The following DRC1 variants were observed in gnomAD, a reference collection of about 807,000 sequenced individuals.
DRC1 encodes dynein regulatory complex protein 1.
DRC1 carries 74 observed loss-of-function variants against 98.7 expected under a neutral mutation model. The observed-to-expected ratio is 0.75, with a 90% CI of 0.62 to 0.91. The LOEUF (loss-of-function observed/expected upper bound fraction) is 0.91, where lower values mean the gene tolerates loss of function less well. DRC1 is among the 40% of genes least tolerant of loss of function. DRC1 has a pLI of 0.00. For missense variants in DRC1, 875 were observed against 886.0 expected (o/e 0.99, Z 0.16); for synonymous variants, 336 against 334.1 (o/e 1.01, Z -0.06).
chr2:26,452,485 C>G (rs193261093), intron 13 of DRC1, among the ~76,000 whole-genome samples: 2 of 152,298 alleles, frequency 1.3e-5, no homozygotes, highest in African/African-American at 4.8e-5. Context: ...CTCTCGAACT[C>G]CTGACCTCAA....
At chr2:26,418,646 ATATATAAATTATATAT>A (rs1353793924) in intron 2 of DRC1, among the ~76,000 whole-genome samples, 31 of 93,620 alleles carry the variant, frequency 3.3e-4, no homozygotes, top group African/African-American at 1.2e-3. Flanking sequence ...AATTTATATA[ATATATAAATTATATAT>A]TATATAAATT....
intron 8 of DRC1, among the ~76,000 whole-genome samples, 173 bp downstream of exon 8, chr2:26,440,690 A>G (rs1021602051): frequency 6.6e-6 from 1 of 152,230 alleles, no homozygotes; most frequent in African/African-American, 2.4e-5. Flanking sequence ...AAAAGAGTAC[A>G]TAGCAAAAGA....
intron 7 of DRC1, among the ~76,000 whole-genome samples, chr2:26,437,949 C>T (rs1052764907): frequency 4.6e-5 from 7 of 151,384 alleles, no homozygotes; most frequent in Admixed American, 1.3e-4. Context: ...ATTAGCTGGG[C>T]GTGGCGGTGG....
chr2:26,420,543 G>A (rs1194133776), intron 2 of DRC1, among the ~76,000 whole-genome samples: 2 of 152,142 alleles, frequency 1.3e-5, no homozygotes, highest in Admixed American at 1.3e-4. Context: ...ATAAAAGTTG[G>A]CTGGTGCCTT....
intron 1 of DRC1, among the ~76,000 whole-genome samples, chr2:26,406,340 A>T (rs566235820): frequency 6.6e-6 from 1 of 152,106 alleles, no homozygotes; most frequent in Non-Finnish European, 1.5e-5. Flanking sequence ...TGTGATACCC[A>T]CTGCTGTTGC....
In DRC1 at chr2:26,454,925, G is replaced by A. The variant is rs747276719; in HGVS notation, c.2063+135G>A. On this transcript the variant is annotated intron_variant, in intron 15 of 16. Transcript: ENST00000288710. The surrounding 1 kb of genome is among the most constrained non-coding windows in gnomAD (Gnocchi z 5.2). ...AGCTGCCCTTGGCATCTCCTGTGTG[G>A]GTGGATCATGTGGGGCAGTTGGCTC... 2.6e-5 allele frequency: 39 copies of A among 1,479,728 alleles called. No individual in the cohort carries two copies. The highest frequency in any genetic ancestry group is 3.3e-5 in the Non-Finnish European group (36 of 1,080,586). 91.7% of individuals were successfully genotyped at this position (1,479,728 alleles called of 1,614,324 possible).
intron 10 of DRC1, chr2:26,448,368 C>T (rs951201037): frequency 1.9e-6 from 1 of 538,422 alleles, no homozygotes; most frequent in African/African-American, 1.9e-5. Context: ...TAAATGGGCT[C>T]ACACTCTCCC....
chr2:26,444,588 G>T lies in DRC1; in HGVS notation c.1164-128G>T, dbSNP rs147947674. On this transcript the variant is annotated intron_variant, in intron 9 of 16. Transcript: ENST00000288710. Reference sequence around the variant, plus strand: ...AGTTTATCGTAAGTGGGAATCAGCCGCCCAGGGATGGGGCCAGGCCCAGGA... The same window carrying T: ...AGTTTATCGTAAGTGGGAATCAGCCTCCCAGGGATGGGGCCAGGCCCAGGA... 1.0e-4 allele frequency: 108 copies of T among 1,060,562 alleles called. No homozygotes were observed. In the Middle Eastern group the frequency reaches 2.1e-3, roughly 21 times the overall value. The allele number at this position is 1,060,562 out of a possible 1,614,324, so 65.7% of individuals were successfully genotyped here.
chr2:26,410,114 GA>G (rs1678553761), intron 1 of DRC1, among the ~76,000 whole-genome samples: 2 of 148,012 alleles, frequency 1.4e-5, no homozygotes, highest in Non-Finnish European at 1.5e-5. Context: ...AGTGTTCAGA[GA>G]AAAAAAATAG....
intron 1 of DRC1, among the ~76,000 whole-genome samples, chr2:26,412,536 C>T (rs770364378): frequency 1.1e-4 from 17 of 152,084 alleles, no homozygotes; most frequent in Admixed American, 1.1e-3. Context: ...CTCCCCCATG[C>T]CTCCCCTGAA....
rs1040064817 is a variant in DRC1 at position 26,440,979 on chromosome 2, G to A, written c.1028+462G>A. Reference sequence around the variant, plus strand: ...ACCAGTCTCTAATGATGGACATGTAGATTGCTTCCAACCTTTTCCTCTTGC... The same window carrying A: ...ACCAGTCTCTAATGATGGACATGTAAATTGCTTCCAACCTTTTCCTCTTGC... On this transcript the variant is annotated intron_variant, in intron 8 of 16. Transcript: ENST00000288710. Among the ~76,000 whole-genome samples the A allele has an allele frequency of 2.0e-5, 3 of 152,166 alleles. No individual in the cohort carries two copies. In the East Asian group the frequency reaches 5.8e-4, roughly 29 times the overall value.
chr2:26,411,305 A>G (rs923089462), intron 1 of DRC1, among the ~76,000 whole-genome samples: 7 of 152,242 alleles, frequency 4.6e-5, no homozygotes, highest in African/African-American at 1.7e-4. Flanking sequence ...GAAATTAATA[A>G]TTTATTTAAC....
At position 26,454,703 on chromosome 2, in the gene DRC1, C is replaced by G; in HGVS notation, c.1976C>G (p.Ser659Trp). Reference sequence around the variant, plus strand: ...AATGTGCGTGACAACTCCAAGGACTCGGAGTACTGGCAGGCCCTGACCACA... The same window carrying G: ...AATGTGCGTGACAACTCCAAGGACTGGGAGTACTGGCAGGCCCTGACCACA... ...QKNVRDNSKD[S>W]EYWQALTTVI... Residue 659 changes from serine (S) to tryptophan (W), a missense_variant, in exon 15 of 17, where the codon TCG (serine) becomes TGG (tryptophan). Ser to Trp is a radical substitution (Grantham distance 177). Transcript: ENST00000288710. The surrounding 1 kb of genome is among the most constrained non-coding windows in gnomAD (Gnocchi z 5.2). 1 of 1,614,122 alleles carries G rather than the reference C, an allele frequency of 6.2e-7. No individual in the cohort carries two copies. Among genetic ancestry groups the G allele is most frequent in the African/African-American group, 1.3e-5 (1 of 75,020 alleles).
chr2:26,411,754 T>A (rs912134040), intron 1 of DRC1, among the ~76,000 whole-genome samples: 1 of 151,196 alleles, frequency 6.6e-6, no homozygotes, highest in African/African-American at 2.4e-5. Context: ...CCGAGATGGC[T>A]CCACTGCACT....
chr2:26,427,462 T>G (rs1572366078), intron 4 of DRC1, among the ~76,000 whole-genome samples: 1 of 152,078 alleles, frequency 6.6e-6, no homozygotes, highest in South Asian at 2.1e-4. Context: ...TAGGTGTATA[T>G]ATTTATGGGG....
In DRC1 at chr2:26,448,820, G is replaced by C; in HGVS notation, c.1509+17G>C. 1 of 1,612,216 alleles carries C rather than the reference G, an allele frequency of 6.2e-7. No homozygotes were observed. On this transcript the variant is annotated intron_variant, in intron 11 of 16. Coordinates refer to ENST00000288710, the MANE Select transcript of DRC1 (RefSeq NM_145038.5). ...GACGAGTCGGTGAGGCCAGGCGGGG[G>C]CTGCAGCAGAGGGACTCACGGGGGT...
intron 8 of DRC1, among the ~76,000 whole-genome samples, chr2:26,443,512 C>T (rs1332376781): frequency 6.6e-6 from 1 of 152,178 alleles, no homozygotes; most frequent in Non-Finnish European, 1.5e-5. Context: ...CACCTCTGGG[C>T]TCCCCTGGCA....
chr2:26,441,581 G>A (rs913097342), intron 8 of DRC1, among the ~76,000 whole-genome samples: 1 of 152,178 alleles, frequency 6.6e-6, no homozygotes, highest in Non-Finnish European at 1.5e-5. Context: ...GTGAAATACT[G>A]GAGGGGGTGG....
rs780737842 is a variant in DRC1, at chr2:26,414,362, T to C, written c.174T>C (p.Tyr58=). 9 of 1,613,904 alleles carry C rather than the reference T, an allele frequency of 5.6e-6. No homozygotes were observed. The highest frequency in any genetic ancestry group is 5.9e-6 in the Non-Finnish European group (7 of 1,179,934). Residue 58 remains tyrosine, a synonymous_variant, in exon 2 of 17, where the codon TAT becomes TAC. Coordinates refer to ENST00000288710, the MANE Select transcript of DRC1 (RefSeq NM_145038.5). ...ATCACAGGGAAGCACTTGGAGAATA[T>C]TTAGATGGGAAGAAGGAGAGTGAGG... is the stretch of plus-strand genomic sequence containing the variant. ...EARRREALGE[Y]LDGKKESEED...
Sources: gnomAD v4.1 joint callset for allele counts (sites outside exome capture counted in the v4.1 genomes callset) on GRCh38, gnomAD v4.1.1 for gene constraint, Gnocchi (gnomAD v3.1) non-coding constraint, MANE v1.5 for transcripts, NCBI Gene and HGNC (gene_info 2026-07-23, HGNC 2026-07-21) for gene names.